Variants in CIT observed in about 807,000 individuals in gnomAD.
CIT encodes the protein citron Rho-interacting kinase.
In CIT, 79 loss-of-function variants were observed where a neutral mutation model predicts 272.7. The ratio of observed to expected loss-of-function variants is 0.29; its 90% CI spans 0.24 to 0.35. CIT has a LOEUF of 0.35. CIT is among the 10% of genes least tolerant of loss of function. The probability of loss-of-function intolerance (pLI) is 1.00; values close to 1 mark genes in which losing one functional copy is unlikely to be tolerated. For synonymous variants in CIT, 948 were observed against 995.6 expected (o/e 0.95, Z 0.90); for missense variants, 1,909 against 2,618.3 (o/e 0.73, Z 5.91).
In CIT at chr12:119,751,953, G is replaced by A. The variant is rs546817727; in HGVS notation, c.2904+97C>T. ...CTTTGTGGATCATGTTTTCCCTCCTGGAATTTCTAAGGGTGAGCCAGTATA... is the reference window on the plus strand; with the variant it reads ...CTTTGTGGATCATGTTTTCCCTCCTAGAATTTCTAAGGGTGAGCCAGTATA... On this transcript the variant is annotated intron_variant, in intron 23 of 47. Coordinates refer to ENST00000392521, the MANE Select transcript of CIT (RefSeq NM_001206999.2). 5 of 1,109,440 alleles carry A rather than the reference G, an allele frequency of 4.5e-6. No individual in the cohort carries two copies. In the South Asian group the frequency reaches 6.8e-5, roughly 15 times the overall value. The allele number at this position is 1,109,440 out of a possible 1,614,324, so 68.7% of individuals were successfully genotyped here.
At position 119,869,161 on chromosome 12, in the gene CIT, A is replaced by T. The variant is rs1034353631; in HGVS notation, c.137T>A (p.Leu46His). The change falls in exon 3 of 48, where the codon CTT (leucine) becomes CAT (histidine). Residue 46 changes from leucine (L) to histidine (H), a missense_variant. Leu to His is a moderately conservative substitution (Grantham distance 99). Coordinates refer to ENST00000392521, the MANE Select transcript of CIT (RefSeq NM_001206999.2). ...GGCATCTAATATCCCTTCTCGGGAA[A>T]GAGGAGACATCTGCTGTTGAGTCAT... is the stretch of plus-strand genomic sequence containing the variant. ...PFMTQQQMSP[L>H]SREGILDALF... 1.2e-6 allele frequency: 2 copies of T among 1,612,886 alleles called. No individual in the cohort carries two copies. The highest frequency in any genetic ancestry group is 8.5e-7 in the Non-Finnish European group (1 of 1,179,700).
intron 10 of CIT, among the ~76,000 whole-genome samples, chr12:119,788,152 T>C (rs1461436173): frequency 3.3e-5 from 5 of 152,242 alleles, no homozygotes; most frequent in African/African-American, 9.6e-5. Context: ...AAATAAATCT[T>C]TTTAAAAATC....
At chr12:119,852,838 T>C (rs1290053399) in intron 4 of CIT, among the ~76,000 whole-genome samples, 1 of 152,172 alleles carries the variant, frequency 6.6e-6, no homozygotes, top group African/African-American at 2.4e-5. Flanking sequence ...GCACATATAT[T>C]CTATGTGTAT....
At chr12:119,701,464 G>A (rs1412009569) in intron 43 of CIT, among the ~76,000 whole-genome samples, 160 bp downstream of exon 43, 1 of 152,114 alleles carries the variant, frequency 6.6e-6, no homozygotes, top group Non-Finnish European at 1.5e-5. Context: ...GTGATGGAGA[G>A]GAGCATCCCC....
intron 26 of CIT, 24 bp downstream of exon 26, chr12:119,734,140 C>A: frequency 1.2e-6 from 2 of 1,611,426 alleles, no homozygotes; most frequent in South Asian, 1.1e-5. Context: ...CTGTCATGAG[C>A]TTTCCACAAA....
chr12:119,850,143 T>A, intron 5 of CIT, 31 bp downstream of exon 5: 1 of 1,333,296 alleles, frequency 7.5e-7, no homozygotes, highest in Non-Finnish European at 1.1e-6. Flanking sequence ...AGTGCTAGGC[T>A]AATTCCAGAG....
intron 47 of CIT, among the ~76,000 whole-genome samples, chr12:119,689,695 T>TTTTTTTTTTTTG (rs1555213865): frequency 7.0e-6 from 1 of 142,202 alleles, no homozygotes; most frequent in African/African-American, 2.7e-5. Flanking sequence ...TTTTTTTTTT[T>TTTTTTTTTTTTG]AAGACAGAGT....
At chr12:119,803,624 A>G (rs1966399917) in intron 9 of CIT, 1 of 370,982 alleles carries the variant, frequency 2.7e-6, no homozygotes, top group Non-Finnish European at 4.8e-6. Context: ...TAAACTGAAG[A>G]GCAAACTCAA....
intron 22 of CIT, among the ~76,000 whole-genome samples, chr12:119,754,015 T>C (rs983441903): frequency 6.6e-6 from 1 of 152,082 alleles, no homozygotes; most frequent in Non-Finnish European, 1.5e-5. Context: ...CCTTAACAAA[T>C]CAGTGACAGC....
chr12:119,842,483 A>G (rs1969476810), intron 5 of CIT, among the ~76,000 whole-genome samples: 1 of 151,948 alleles, frequency 6.6e-6, no homozygotes, highest in Non-Finnish European at 1.5e-5. Context: ...AAGGACACTG[A>G]TGAAGGCATC....
At chr12:119,833,946 C>A (rs1441878469) in intron 6 of CIT, 140 bp downstream of exon 6, 1 of 820,630 alleles carries the variant, frequency 1.2e-6, no homozygotes, top group Non-Finnish European at 1.9e-6. Flanking sequence ...TGCTTTCAGC[C>A]AGTTATTGGT....
intron 13 of CIT, among the ~76,000 whole-genome samples, chr12:119,777,848 T>C (rs1427855208): frequency 6.6e-6 from 1 of 152,140 alleles, no homozygotes; most frequent in Non-Finnish European, 1.5e-5. Flanking sequence ...TTACATGTAG[T>C]TTTCCGCCAA....
intron 40 of CIT, among the ~76,000 whole-genome samples, chr12:119,707,128 G>A (rs2137027027): frequency 6.6e-6 from 1 of 152,228 alleles, no homozygotes; most frequent in South Asian, 2.1e-4. Flanking sequence ...TTCAGACATG[G>A]AGATCCACAT....
At chr12:119,727,771 A>G (rs1958192780) in intron 28 of CIT, among the ~76,000 whole-genome samples, 1 of 152,104 alleles carries the variant, frequency 6.6e-6, no homozygotes, top group African/African-American at 2.4e-5. Flanking sequence ...TCTACAAAAC[A>G]ATACAAAAAT....
rs1161174136 is a variant in CIT at position 119,688,081 on chromosome 12, CAG to C, written c.*149_*150del. The C allele has an allele frequency of 7.8e-5, 62 of 796,970 alleles. No individual in the cohort carries two copies. The highest frequency in any genetic ancestry group is 2.6e-4 in the Middle Eastern group (1 of 3,818). 49.4% of individuals were successfully genotyped at this position (796,970 alleles called of 1,614,324 possible). A position where few individuals can be genotyped will look rare whatever the true frequency, so the allele number is the denominator to read the frequency against. On this transcript the variant is annotated 3_prime_UTR_variant, in exon 48 of 48. Coordinates refer to ENST00000392521, the MANE Select transcript of CIT (RefSeq NM_001206999.2). ...CTCAGCCACCTGCCCCTCCTGGAGA[CAG>C]GGGTGTCCGTGCCGAGGTGGGTCTG...
At chr12:119,876,228 G>A (rs1470798461) in intron 1 of CIT, 47 bp from the exon 2 acceptor site, 1 of 1,260,648 alleles carries the variant, frequency 7.9e-7, no homozygotes, top group African/African-American at 1.5e-5. Context: ...TTTTGAGCAG[G>A]AAGGGCCTGA....
chr12:119,841,865 C>A (rs1969432820), intron 5 of CIT, among the ~76,000 whole-genome samples: 1 of 152,210 alleles, frequency 6.6e-6, no homozygotes, highest in South Asian at 2.1e-4. Context: ...TACAGCAGAG[C>A]TGCTCTACCA....
chr12:119,775,869 AAAGGC>A, intron 15 of CIT, 30 bp from the exon 16 acceptor site: 2 of 1,581,756 alleles, frequency 1.3e-6, no homozygotes, highest in East Asian at 4.5e-5. Context: ...AAATAAAGCA[AAAGGC>A]AAATCAGCAT....
chr12:119,855,649 T>C (rs1286677095), intron 4 of CIT, among the ~76,000 whole-genome samples: 1 of 152,064 alleles, frequency 6.6e-6, no homozygotes, highest in African/African-American at 2.4e-5. Context: ...CTACTTTTCT[T>C]TTCTATGCAT....
Sources: gnomAD v4.1 joint callset for allele counts (sites outside exome capture counted in the v4.1 genomes callset) on GRCh38, gnomAD v4.1.1 for gene constraint, MANE v1.5 for transcripts, NCBI Gene and HGNC (gene_info 2026-07-23, HGNC 2026-07-21) for gene names.